Variants in NSUN4 observed in about 807,000 individuals in gnomAD.
NSUN4 encodes 5-cytosine rRNA methyltransferase NSUN4.
NSUN4 carries 31 observed loss-of-function variants against 43.8 expected under a neutral mutation model. That is an observed-to-expected ratio of 0.71 (90% CI 0.53 to 0.96). The LOEUF (loss-of-function observed/expected upper bound fraction) is 0.96. Among genes scored for constraint, NSUN4 ranks in the 40% least tolerant of loss-of-function variants. NSUN4 has a pLI of 0.00. For missense variants in NSUN4, 439 were observed against 475.6 expected, an observed-to-expected ratio of 0.92 and a Z score of 0.72; for synonymous variants, 167 against 184.1, an observed-to-expected ratio of 0.91 and a Z score of 0.75.
At chr1:46,349,054 C>T in intron 3 of NSUN4, among the ~76,000 whole-genome samples, 1 of 151,668 alleles carries the variant, frequency 6.6e-6, no homozygotes. Flanking sequence ...ACCTCGCAAT[C>T]CACCCACCTC....
At chr1:46,360,179 A>C (rs1663723844) in intron 4 of NSUN4, among the ~76,000 whole-genome samples, 1 of 136,826 alleles carries the variant, frequency 7.3e-6, no homozygotes, top group Non-Finnish European at 1.5e-5. Context: ...CAGTGAGCCG[A>C]GATTGCGCCA....
In NSUN4 at chr1:46,352,922, T is replaced by C. The variant is rs1200276509; in HGVS notation, c.647T>C (p.Ile216Thr). ...SPSRIARLQK[I>T]LHSYVPEEIR... ...TCCCGAATAGCCAGACTACAGAAGA[T>C]CCTTCACAGCTATGTGCCTGAAGAG... Residue 216 changes from isoleucine (I) to threonine (T), a missense_variant, in exon 4 of 6, where the codon ATC becomes ACC. By Grantham distance (89) the Ile-to-Thr change is moderately conservative. Coordinates refer to ENST00000474844, the MANE Select transcript of NSUN4 (RefSeq NM_199044.4). The C allele has an allele frequency of 1.9e-6, 3 of 1,614,038 alleles. No homozygotes were observed. The highest frequency in any genetic ancestry group is 1.7e-5 in the Admixed American group (1 of 59,996).
downstream of NSUN4, among the ~76,000 whole-genome samples, chr1:46,368,332 G>A (rs1296723150): frequency 6.6e-6 from 1 of 152,134 alleles, no homozygotes; most frequent in Non-Finnish European, 1.5e-5. Flanking sequence ...AAGAGATGGA[G>A]TCTGTTTCCC....
Position 46,344,731 on chromosome 1 carries a change from G to A in NSUN4, c.94-70G>A, listed in dbSNP as rs59076604. 8,506 of 1,372,076 alleles carry A rather than the reference G, an allele frequency of 6.2e-3. 380 individuals carry two copies. In the African/African-American group the frequency reaches 0.098, roughly 16 times the overall value. The allele number at this position is 1,372,076 out of a possible 1,614,324, so 85.0% of individuals were successfully genotyped here. ...ATCCAAGTTTGCCCCTAGGCTCTGA[G>A]GTGGGGGTCAGGTAGTAGGGGGTAG... On this transcript the variant is annotated intron_variant, in intron 1 of 5. Transcript: ENST00000474844.
chr1:46,383,677 G>T, the NSUN4 span, among the ~76,000 whole-genome samples: 1 of 151,574 alleles, frequency 6.6e-6, no homozygotes, highest in African/African-American at 2.4e-5. Flanking sequence ...GGATGGTCTC[G>T]ATCTCCTGAC....
chr1:46,372,850 G>C, the NSUN4 span, among the ~76,000 whole-genome samples: 1 of 152,212 alleles, frequency 6.6e-6, no homozygotes, highest in Non-Finnish European at 1.5e-5. Flanking sequence ...AGCCTCCGAA[G>C]TAGCTGGGAC....
intron 1 of NSUN4, chr1:46,343,961 A>C (rs1357046048): frequency 2.5e-6 from 1 of 395,560 alleles, no homozygotes; most frequent in Admixed American, 4.4e-5. Context: ...GCCAGAGCAA[A>C]AGTTCTGACC....
At chr1:46,357,335 A>T (rs1194224390) in intron 4 of NSUN4, among the ~76,000 whole-genome samples, 1 of 152,120 alleles carries the variant, frequency 6.6e-6, no homozygotes, top group Non-Finnish European at 1.5e-5. Context: ...ATGTGCCAGC[A>T]TGTCCAGCTA....
chr1:46,382,758 T>C, the NSUN4 span, among the ~76,000 whole-genome samples: 59,840 of 151,904 alleles, frequency 0.39, 11,906 homozygotes, highest in South Asian at 0.51. Context: ...CAAGCCAAAA[T>C]GCCCAGCTAA....
chr1:46,343,730 A>C, intron 1 of NSUN4: 1 of 400,708 alleles, frequency 2.5e-6, no homozygotes, highest in Non-Finnish European at 4.4e-6. Context: ...AGAGTCCCCA[A>C]CTTAGCATAA....
Position 46,352,977 on chromosome 1 carries a change from C to T in NSUN4, c.702C>T (p.Thr234=), listed in dbSNP as rs1478465775. 3.1e-6 allele frequency: 5 copies of T among 1,614,054 alleles called. No individual in the cohort carries two copies. Among genetic ancestry groups the T allele is most frequent in the African/African-American group, 2.7e-5 (2 of 74,930 alleles). ...GGGATGGAAATCAAGTTCGAGTTAC[C>T]TCATGGGATGGCAGGAAATGGGGAG... is the stretch of plus-strand genomic sequence containing the variant. ...EIRDGNQVRV[T]SWDGRKWGEL... is the part of the protein sequence containing the mutation. The change falls in exon 4 of 6, where the codon ACC becomes ACT. Residue 234 remains threonine (T), a synonymous_variant. Transcript: ENST00000474844.
chr1:46,352,361 A>G (rs1308011852), intron 3 of NSUN4, among the ~76,000 whole-genome samples: 1 of 152,050 alleles, frequency 6.6e-6, no homozygotes, highest in Non-Finnish European at 1.5e-5. Flanking sequence ...CTAAGGCATG[A>G]TAATCACTTG....
chr1:46,372,540 TC>T, the NSUN4 span, among the ~76,000 whole-genome samples: 1 of 152,148 alleles, frequency 6.6e-6, no homozygotes, highest in African/African-American at 2.4e-5. Flanking sequence ...ATTTTCCCCT[TC>T]TCACAACTTA....
the NSUN4 span, among the ~76,000 whole-genome samples, chr1:46,378,200 G>A: frequency 1.4e-5 from 1 of 69,512 alleles, no homozygotes; most frequent in South Asian, 7.7e-4. Flanking sequence ...CCATAGCAGA[G>A]ATTTTTTTTT....
the NSUN4 span, among the ~76,000 whole-genome samples, chr1:46,372,749 A>T: frequency 6.6e-6 from 1 of 151,970 alleles, no homozygotes; most frequent in Non-Finnish European, 1.5e-5. Context: ...TTTGAGACAG[A>T]ATCTCAATCT....
At chr1:46,342,339 C>T (rs1259501382) in intron 1 of NSUN4, 2 of 399,184 alleles carry the variant, frequency 5.0e-6, no homozygotes, top group Admixed American at 8.8e-5. Flanking sequence ...TGGCTTCCCA[C>T]TCTCTTCTCA....
In NSUN4 at chr1:46,345,124, C is replaced by T. The variant is rs749529709; in HGVS notation, c.417C>T (p.Ile139=). 1.9e-6 allele frequency: 3 copies of T among 1,608,104 alleles called. No individual in the cohort carries two copies. The highest frequency in any genetic ancestry group is 2.5e-6 in the Non-Finnish European group (3 of 1,176,980). Residue 139 remains isoleucine (I), a synonymous_variant, in exon 2 of 6, where the codon ATC becomes ATT. Transcript: ENST00000474844. ...LRCFTFDRGD[I]SRFPPARPGS... ...GCTTCACTTTTGACAGAGGGGATAT[C>T]AGTCGCTTCCCTCCTGCCAGGTAGG...
At chr1:46,341,117 T>C in intron 1 of NSUN4, 198 bp downstream of exon 1, 2 of 1,277,248 alleles carry the variant, frequency 1.6e-6, no homozygotes, top group South Asian at 3.4e-5. Flanking sequence ...CTTCCACTTG[T>C]TACGTCTGCA....
At chr1:46,367,612 TTTATTGAA>T (rs1174899914), downstream of NSUN4, among the ~76,000 whole-genome samples, 1 of 152,096 alleles carries the variant, frequency 6.6e-6, no homozygotes, top group African/African-American at 2.4e-5. Context: ...ACAGCAATCT[TTTATTGAA>T]CAGTACTGCT....
Sources: gnomAD v4.1 joint callset for allele counts (sites outside exome capture counted in the v4.1 genomes callset) on GRCh38, gnomAD v4.1.1 for gene constraint, MANE v1.5 for transcripts, NCBI Gene and HGNC (gene_info 2026-07-23, HGNC 2026-07-21) for gene names.